The following CARMIL1 variants were observed in gnomAD, a reference collection of about 807,000 sequenced individuals.
The protein encoded by CARMIL1 is F-actin-uncapping protein LRRC16A.
A neutral mutation model predicts 177.1 loss-of-function variants in CARMIL1; 90 were observed. The observed-to-expected ratio is 0.51, with a 90% confidence interval of 0.43 to 0.61. The LOEUF (loss-of-function observed/expected upper bound fraction) is 0.61, where lower values mean the gene tolerates loss of function less well. CARMIL1 is among the 20% of genes least tolerant of loss of function. The pLI is 0.00. For missense variants in CARMIL1, 1,380 were observed against 1,667.0 expected (o/e 0.83, Z 3.00); for synonymous variants, 577 against 606.2 (o/e 0.95, Z 0.71).
chr6:25,486,835 A>C (rs1802707631), intron 12 of CARMIL1, among the ~76,000 whole-genome samples: 1 of 152,088 alleles, frequency 6.6e-6, no homozygotes, highest in South Asian at 2.1e-4. Flanking sequence ...TGCCTGGTAC[A>C]CAGTAGGATT....
intron 1 of CARMIL1, among the ~76,000 whole-genome samples, chr6:25,281,541 G>T (rs1295976425): frequency 6.6e-6 from 1 of 152,168 alleles, no homozygotes; most frequent in African/African-American, 2.4e-5. Flanking sequence ...GGAATAGTTT[G>T]TATATTTTAA....
intron 2 of CARMIL1, among the ~76,000 whole-genome samples, chr6:25,323,888 A>T (rs1013463388): frequency 1.3e-5 from 2 of 152,224 alleles, no homozygotes; most frequent in Non-Finnish European, 2.9e-5. Flanking sequence ...TAAGAGATTA[A>T]AGATAATTTA....
At chr6:25,347,855 C>T (rs1466566625) in intron 2 of CARMIL1, among the ~76,000 whole-genome samples, 1 of 152,176 alleles carries the variant, frequency 6.6e-6, no homozygotes, top group Non-Finnish European at 1.5e-5. Flanking sequence ...TCATGTTTTA[C>T]TTATTCATTT....
chr6:25,592,886 A>G (rs908875150), intron 31 of CARMIL1, among the ~76,000 whole-genome samples: 1 of 152,172 alleles, frequency 6.6e-6, no homozygotes, highest in Admixed American at 6.5e-5. Flanking sequence ...GTCATCCACA[A>G]CCTATCTGTG....
intron 33 of CARMIL1, 110 bp downstream of exon 33, chr6:25,600,856 A>C: frequency 1.0e-6 from 1 of 999,954 alleles, no homozygotes. Flanking sequence ...TTAAACATTT[A>C]ACTTTCCTTT....
chr6:25,420,620 A>G (rs368780208), intron 3 of CARMIL1, among the ~76,000 whole-genome samples: 1 of 152,200 alleles, frequency 6.6e-6, no homozygotes, highest in East Asian at 1.9e-4. Flanking sequence ...AGTAACTTTC[A>G]TAACTCCAAA....
chr6:25,390,318 A>ATTT (rs1271192027), intron 2 of CARMIL1, among the ~76,000 whole-genome samples: 22 of 43,680 alleles, frequency 5.0e-4, no homozygotes, highest in South Asian at 2.6e-3. Flanking sequence ...ATATATATAT[A>ATTT]TATTTTTTTT....
chr6:25,323,998 A>C (rs1422817364), intron 2 of CARMIL1, among the ~76,000 whole-genome samples: 1 of 152,268 alleles, frequency 6.6e-6, no homozygotes, highest in African/African-American at 2.4e-5. Context: ...AAAAAGGCAC[A>C]GAGAAAAGAG....
At chr6:25,465,070 G>GAAAAA (rs1847242473) in intron 8 of CARMIL1, among the ~76,000 whole-genome samples, 2 of 32,288 alleles carry the variant, frequency 6.2e-5, no homozygotes, top group African/African-American at 3.1e-4. Flanking sequence ...AAGAACTAAA[G>GAAAAA]CAAAAAAAAA....
chr6:25,467,704 G>T (rs1800742671), intron 9 of CARMIL1, among the ~76,000 whole-genome samples: 1 of 152,186 alleles, frequency 6.6e-6, no homozygotes, highest in Non-Finnish European at 1.5e-5. Flanking sequence ...GGTGTCCTGG[G>T]ATGGAAGGAA....
intron 2 of CARMIL1, among the ~76,000 whole-genome samples, chr6:25,343,722 G>T (rs1442027734): frequency 6.6e-6 from 1 of 152,018 alleles, no homozygotes; most frequent in Admixed American, 6.6e-5. Context: ...TCAGTCATCA[G>T]CAAACCCCCC....
intron 2 of CARMIL1, among the ~76,000 whole-genome samples, chr6:25,392,194 C>T (rs1792925526): frequency 6.6e-6 from 1 of 151,620 alleles, no homozygotes; most frequent in Admixed American, 6.6e-5. Context: ...TATATGGGAT[C>T]TAGAATTGCA....
At chr6:25,358,862 A>G (rs1297156823) in intron 2 of CARMIL1, among the ~76,000 whole-genome samples, 1 of 152,234 alleles carries the variant, frequency 6.6e-6, no homozygotes, top group Non-Finnish European at 1.5e-5. Flanking sequence ...CTTGAGAAGG[A>G]TTCAAAGATG....
intron 2 of CARMIL1, among the ~76,000 whole-genome samples, chr6:25,286,345 T>C (rs372263377): frequency 6.6e-6 from 1 of 152,256 alleles, no homozygotes; most frequent in Non-Finnish European, 1.5e-5. Flanking sequence ...CTTCTGTTTC[T>C]ATGTTGTCTA....
At chr6:25,512,771 A>C (rs1190227961) in intron 20 of CARMIL1, among the ~76,000 whole-genome samples, 1 of 152,178 alleles carries the variant, frequency 6.6e-6, no homozygotes, top group Admixed American at 6.5e-5. Context: ...TGCTGCACCC[A>C]GAGTCATGGG....
At chr6:25,405,645 AG>A (rs1284949895) in intron 2 of CARMIL1, among the ~76,000 whole-genome samples, 1 of 152,262 alleles carries the variant, frequency 6.6e-6, no homozygotes, top group Non-Finnish European at 1.5e-5. Context: ...GGCAAAAGGC[AG>A]GGGTGTCAGC....
At chr6:25,345,042 C>G (rs1787358106) in intron 2 of CARMIL1, among the ~76,000 whole-genome samples, 1 of 152,124 alleles carries the variant, frequency 6.6e-6, no homozygotes, top group African/African-American at 2.4e-5. Flanking sequence ...CTAACATCTC[C>G]CCTCCCATTC....
At chr6:25,581,156 A>C in intron 30 of CARMIL1, 87 bp from the exon 31 acceptor site, 1 of 1,388,296 alleles carries the variant, frequency 7.2e-7, no homozygotes, top group Non-Finnish European at 9.9e-7. Context: ...GCTAGACTTA[A>C]AATTACTTTT....
At chr6:25,424,538 C>T (rs1387628302) in intron 3 of CARMIL1, among the ~76,000 whole-genome samples, 1 of 152,180 alleles carries the variant, frequency 6.6e-6, no homozygotes, top group Non-Finnish European at 1.5e-5. Flanking sequence ...CTGCTACCAC[C>T]CACTGAATGA....
Sources: gnomAD v4.1 joint callset for allele counts (sites outside exome capture counted in the v4.1 genomes callset) on GRCh38, gnomAD v4.1.1 for gene constraint, MANE v1.5 for transcripts, NCBI Gene and HGNC (gene_info 2026-07-23, HGNC 2026-07-21) for gene names.